The following MYRFL variants were observed in gnomAD, a reference collection of about 807,000 sequenced individuals.
MYRFL encodes the protein myelin regulatory factor-like protein.
A neutral mutation model predicts 109.4 loss-of-function variants in MYRFL; 88 were observed. The ratio of observed to expected loss-of-function variants is 0.80; its 90% CI spans 0.68 to 0.96. The LOEUF (loss-of-function observed/expected upper bound fraction) is 0.96. MYRFL is among the 40% of genes least tolerant of loss of function. MYRFL has a pLI of 0.00. For synonymous variants in MYRFL, 324 were observed against 320.9 expected (o/e 1.01, Z -0.10); for missense variants, 957 against 954.9 (o/e 1.00, Z -0.03).
intron 1 of MYRFL, among the ~76,000 whole-genome samples, chr12:69,838,989 C>T (rs11177895): frequency 0.037 from 5,634 of 152,248 alleles, 139 homozygotes; most frequent in East Asian, 0.11. Flanking sequence ...CTAAAGACAT[C>T]GAGCCAACCA....
intron 2 of MYRFL, among the ~76,000 whole-genome samples, chr12:69,874,748 G>T (rs901208832): frequency 1.1e-3 from 163 of 151,930 alleles, no homozygotes; most frequent in African/African-American, 3.8e-3. Flanking sequence ...TTGTTTTTCT[G>T]TAGCACTTTA....
intron 2 of MYRFL, among the ~76,000 whole-genome samples, chr12:69,877,028 T>C (rs796579642): frequency 0.15 from 20,043 of 129,816 alleles, 1,784 homozygotes; most frequent in South Asian, 0.24. Context: ...TCTTTCTTTT[T>C]TTTTTTTTTT....
intron 7 of MYRFL, 93 bp downstream of exon 7, chr12:69,891,259 A>C (rs1886781602): frequency 6.2e-6 from 6 of 970,652 alleles, no homozygotes; most frequent in Non-Finnish European, 8.5e-6. Context: ...AAAATGACTT[A>C]AAATAATAAC....
At position 69,886,802 on chromosome 12, in the gene MYRFL, G is replaced by A. The variant is rs1210988900; in HGVS notation, c.557-18G>A. The A allele has an allele frequency of 3.1e-5, 47 of 1,535,264 alleles. No homozygotes were observed. The highest frequency in any genetic ancestry group is 3.6e-5 in the Non-Finnish European group (41 of 1,146,582). ...AACAGCCTGGAAGGAAGGCTCTGACGCACCTGTTTCTTTGCAGTGACAAGT... is the reference window on the plus strand; with the variant it reads ...AACAGCCTGGAAGGAAGGCTCTGACACACCTGTTTCTTTGCAGTGACAAGT... On this transcript the variant is annotated intron_variant, in intron 5 of 24. Transcript: ENST00000552032.
chr12:69,834,448 A>G (rs894736872), intron 1 of MYRFL, among the ~76,000 whole-genome samples: 3 of 152,164 alleles, frequency 2.0e-5, no homozygotes, highest in Admixed American at 2.0e-4. Flanking sequence ...TTGGCTTTGA[A>G]TCCTGGTTTC....
At chr12:69,934,694 G>A (rs747276906) in intron 16 of MYRFL, among the ~76,000 whole-genome samples, 3 of 152,170 alleles carry the variant, frequency 2.0e-5, no homozygotes, top group Admixed American at 6.5e-5. Flanking sequence ...AGTTCAGGTC[G>A]TCTTTCCTGA....
intron 9 of MYRFL, among the ~76,000 whole-genome samples, chr12:69,895,892 C>T (rs760939215): frequency 3.3e-5 from 5 of 152,138 alleles, no homozygotes; most frequent in African/African-American, 4.8e-5. Flanking sequence ...ATGATTTAGA[C>T]CTGTGGTTTT....
In MYRFL at chr12:69,958,451, G is replaced by A. The variant is rs199741380; in HGVS notation, c.2653G>A (p.Ala885Thr). 1,293 of 1,528,948 alleles carry A rather than the reference G, an allele frequency of 8.5e-4. 22 individuals are homozygous for A. Among genetic ancestry groups the A allele is most frequent in the Admixed American group, 4.2e-4 (21 of 50,326 alleles). 94.7% of individuals were successfully genotyped at this position (1,528,948 alleles called of 1,614,324 possible). A position where few individuals can be genotyped will look rare whatever the true frequency, so the allele number is the denominator to read the frequency against. ...FHFRVAAPDL[A>T]DCSTDPYFAG... ...TTTTCTCCTTTTCTGACAGGATTTAGCTGACTGTTCAACTGATCCTTATTT... is the reference window on the plus strand; with the variant it reads ...TTTTCTCCTTTTCTGACAGGATTTAACTGACTGTTCAACTGATCCTTATTT... The change falls in exon 25 of 25, where the codon GCT becomes ACT. Residue 885 changes from alanine to threonine, a missense_variant. Coordinates refer to ENST00000552032, the MANE Select transcript of MYRFL (RefSeq NM_182530.3).
intron 23 of MYRFL, 100 bp downstream of exon 23, chr12:69,958,042 G>A: frequency 6.9e-7 from 1 of 1,440,836 alleles, no homozygotes; most frequent in Non-Finnish European, 9.2e-7. Context: ...ACAGGGCTTG[G>A]CTCAGCCTCT....
Position 69,952,895 on chromosome 12 carries a change from G to T in MYRFL, c.2375+9G>T. 1 of 1,522,600 alleles carries T rather than the reference G, an allele frequency of 6.6e-7. No homozygotes were observed. Among genetic ancestry groups the T allele is most frequent in the Non-Finnish European group, 8.8e-7 (1 of 1,136,846 alleles). 94.3% of individuals were successfully genotyped at this position (1,522,600 alleles called of 1,614,324 possible). ...CAAAGCCTCCAGTGCGGGTAGGTAA[G>T]CCTCCCCAGCATGCCCTGGTTGTTT... is the stretch of plus-strand genomic sequence containing the variant. On this transcript the variant is annotated intron_variant, in intron 21 of 24. Coordinates refer to ENST00000552032, the MANE Select transcript of MYRFL (RefSeq NM_182530.3).
chr12:69,844,997 C>A (rs933226692), intron 1 of MYRFL, among the ~76,000 whole-genome samples: 1 of 152,034 alleles, frequency 6.6e-6, no homozygotes, highest in South Asian at 2.1e-4. Context: ...TGTGCTCTAA[C>A]CCATTGGATG....
intron 1 of MYRFL, among the ~76,000 whole-genome samples, chr12:69,846,564 A>C (rs550471778): frequency 6.6e-6 from 1 of 152,094 alleles, no homozygotes; most frequent in South Asian, 2.1e-4. Context: ...TCCATGGTGT[A>C]TATGTGCCAC....
At position 69,895,496 on chromosome 12, in the gene MYRFL, G is replaced by A. The variant is rs1207880226; in HGVS notation, c.1091+15G>A. The A allele has an allele frequency of 3.9e-6, 6 of 1,530,434 alleles. No individual in the cohort carries two copies. Among genetic ancestry groups the A allele is most frequent in the East Asian group, 2.4e-5 (1 of 40,868 alleles). The allele number at this position is 1,530,434 out of a possible 1,614,324, so 94.8% of individuals were successfully genotyped here. A position where few individuals can be genotyped will look rare whatever the true frequency, so the allele number is the denominator to read the frequency against. ...CCAGACCAGAGGTACTGATGTCACT[G>A]TGTGCATGGCAGTGTGGCTGGGTAC... is the stretch of plus-strand genomic sequence containing the variant. On this transcript the variant is annotated intron_variant, in intron 9 of 24. Transcript: ENST00000552032.
intron 2 of MYRFL, among the ~76,000 whole-genome samples, chr12:69,864,636 TACAC>T (rs889705175): frequency 1.3e-5 from 1 of 78,300 alleles, no homozygotes; most frequent in African/African-American, 4.7e-5. Flanking sequence ...TCAAGGAAGT[TACAC>T]ACACACACAC....
intron 19 of MYRFL, among the ~76,000 whole-genome samples, chr12:69,950,213 C>A (rs1351683131): frequency 6.6e-6 from 1 of 152,058 alleles, no homozygotes; most frequent in Admixed American, 6.6e-5. Context: ...AGTTTTGCTC[C>A]TATTTTTCTT....
chr12:69,920,361 T>C (rs1184529484), intron 13 of MYRFL, among the ~76,000 whole-genome samples: 1 of 152,218 alleles, frequency 6.6e-6, no homozygotes, highest in Non-Finnish European at 1.5e-5. Flanking sequence ...GTTTTGTTTT[T>C]TGCTTCTCTG....
intron 2 of MYRFL, among the ~76,000 whole-genome samples, chr12:69,871,618 A>C (rs1050988510): frequency 2.6e-5 from 4 of 152,110 alleles, no homozygotes; most frequent in Non-Finnish European, 4.4e-5. Context: ...ACATAATATA[A>C]TCTTCTGGGA....
intron 5 of MYRFL, among the ~76,000 whole-genome samples, chr12:69,880,621 G>A (rs757548302): frequency 1.2e-4 from 19 of 152,256 alleles, no homozygotes; most frequent in Non-Finnish European, 2.4e-4. Context: ...GCCTGCTGGT[G>A]TGCCCATTGC....
At chr12:69,903,874 C>T (rs1261650335) in intron 11 of MYRFL, 30 bp downstream of exon 11, 9 of 1,486,952 alleles carry the variant, frequency 6.1e-6, no homozygotes, top group Admixed American at 2.1e-5. Context: ...CTGGGCCCCT[C>T]CTCTGACACC....
Sources: gnomAD v4.1 joint callset for allele counts (sites outside exome capture counted in the v4.1 genomes callset) on GRCh38, gnomAD v4.1.1 for gene constraint, MANE v1.5 for transcripts, NCBI Gene and HGNC (gene_info 2026-07-23, HGNC 2026-07-21) for gene names.